The following CHRNA1 variants were observed in gnomAD, a reference collection of about 807,000 sequenced individuals.
CHRNA1 encodes the protein acetylcholine receptor subunit alpha.
Under a neutral mutation model 47.1 loss-of-function variants are expected in CHRNA1, and 35 were observed. That is an observed-to-expected ratio of 0.74 (90% confidence interval 0.57 to 0.99). The LOEUF is 0.99. CHRNA1 is among the 50% of genes least tolerant of loss of function. The pLI is 0.00. For missense variants in CHRNA1, 506 were observed against 591.1 expected, an observed-to-expected ratio of 0.86 and a Z score of 1.49; for synonymous variants, 229 against 223.6, an observed-to-expected ratio of 1.02 and a Z score of -0.22.
At chr2:174,752,233 T>G (rs1683868709) in intron 6 of CHRNA1, among the ~76,000 whole-genome samples, 2 of 151,180 alleles carry the variant, frequency 1.3e-5, no homozygotes, top group African/African-American at 2.4e-5. Flanking sequence ...AAAGTTTCAT[T>G]TGATTAGAAA....
chr2:174,757,510 G>T, intron 4 of CHRNA1, 56 bp downstream of exon 4: 1 of 1,265,196 alleles, frequency 7.9e-7, no homozygotes, highest in Non-Finnish European at 1.2e-6. Context: ...TTCTATTAGG[G>T]CACTTTATTC....
intron 1 of CHRNA1, among the ~76,000 whole-genome samples, chr2:174,761,540 C>T (rs1684100615): frequency 6.6e-6 from 1 of 152,130 alleles, no homozygotes; most frequent in African/African-American, 2.4e-5. Flanking sequence ...GTCTCAAACT[C>T]CTGAGCTCAA....
intron 5 of CHRNA1, 79 bp downstream of exon 5, chr2:174,754,140 A>G (rs1291760990): frequency 1.5e-6 from 2 of 1,326,098 alleles, no homozygotes; most frequent in African/African-American, 2.9e-5. Context: ...CTGAGAGCCT[A>G]TGATTGTCCA....
At position 174,754,287 on chromosome 2, in the gene CHRNA1, C is replaced by G. The variant is rs1683925004; in HGVS notation, c.472G>C (p.Asp158His). The change falls in exon 5 of 9, where the codon GAT becomes CAT. Residue 158 changes from aspartate (D) to histidine (H), a missense_variant. Transcript: ENST00000348749. ...AGCTTCATGCTGCAGTTCTGTTCAT[C>G]AAAGGGAAAGTGGGTGACGATGATC... The part of the protein sequence containing the change: ...CEIIVTHFPF[D>H]EQNCSMKLGT... The G allele has an allele frequency of 1.9e-6, 3 of 1,614,176 alleles. No individual in the cohort carries two copies. The highest frequency in any genetic ancestry group is 2.5e-6 in the Non-Finnish European group (3 of 1,180,040).
At position 174,748,629 on chromosome 2, in the gene CHRNA1, C is replaced by T; in HGVS notation, c.1193G>A (p.Gly398Asp). The change falls in exon 8 of 9, where the codon GGC becomes GAC. Residue 398 changes from glycine (G) to aspartate (D), a missense_variant. Coordinates refer to ENST00000348749, the MANE Select transcript of CHRNA1 (RefSeq NM_000079.4). ...KHPEVKSAIE[G>D]IKYIAETMKS... is the part of the protein sequence containing the mutation. ...CATGGTCTCTGCGATGTACTTGATG[C>T]CCTCGATGGCACTTTTCACCTCGGG... The T allele has an allele frequency of 1.2e-6, 2 of 1,614,082 alleles. No homozygotes were observed. The highest frequency in any genetic ancestry group is 1.7e-6 in the Non-Finnish European group (2 of 1,179,972).
intron 7 of CHRNA1, among the ~76,000 whole-genome samples, chr2:174,749,163 T>C (rs1263752810): frequency 1.3e-5 from 2 of 152,162 alleles, no homozygotes; most frequent in African/African-American, 4.8e-5. Flanking sequence ...GTCACCAGGA[T>C]CAAATGGTTA....
chr2:174,748,468 G>T (rs1683778965), intron 8 of CHRNA1, 112 bp downstream of exon 8: 1 of 1,461,640 alleles, frequency 6.8e-7, no homozygotes. Flanking sequence ...TTCATCTTAG[G>T]TCAGTAGCTG....
At position 174,748,832 on chromosome 2, in the gene CHRNA1, A is replaced by C; in HGVS notation, c.1003-13T>G. The stretch of plus-strand genomic sequence containing the variant: ...TGTCGATAAAAACCTAACATAAAAA[A>C]GAAATCCATGCATGAGAATTATTGT... On this transcript the variant is annotated splice_polypyrimidine_tract_variant and intron_variant, in intron 7 of 8. Transcript: ENST00000348749. 1 of 1,613,610 alleles carries C rather than the reference A, an allele frequency of 6.2e-7. No homozygotes were observed.
intron 6 of CHRNA1, among the ~76,000 whole-genome samples, chr2:174,750,404 G>C (rs975356912): frequency 1.3e-5 from 2 of 152,164 alleles, no homozygotes; most frequent in African/African-American, 4.8e-5. Flanking sequence ...TTAGGACACA[G>C]ATGCATAGAC....
At chr2:174,751,781 C>T (rs183294262) in intron 6 of CHRNA1, among the ~76,000 whole-genome samples, 3 of 151,520 alleles carry the variant, frequency 2.0e-5, no homozygotes, top group African/African-American at 4.8e-5. Flanking sequence ...AGGGTTCAAG[C>T]GATTCTCCTG....
chr2:174,759,080 G>A (rs1430171599), intron 3 of CHRNA1, among the ~76,000 whole-genome samples: 1 of 152,018 alleles, frequency 6.6e-6, no homozygotes, highest in African/African-American at 2.4e-5. Flanking sequence ...AGAGCTATGA[G>A]ATGATAAATT....
intron 7 of CHRNA1, 81 bp from the exon 8 acceptor site, chr2:174,748,900 G>A: frequency 3.8e-6 from 6 of 1,570,008 alleles, no homozygotes; most frequent in Non-Finnish European, 5.2e-6. Context: ...TTATCAATGT[G>A]ATTTGGGGTA....
In CHRNA1 at chr2:174,753,442, C is replaced by A. The variant is rs762985657; in HGVS notation, c.778+61G>T. The A allele has an allele frequency of 9.4e-6, 14 of 1,490,412 alleles. No homozygotes were observed. The Admixed American group carries it at 1.2e-4, about 12-fold the overall frequency. 92.3% of individuals were successfully genotyped at this position (1,490,412 alleles called of 1,614,324 possible). On this transcript the variant is annotated intron_variant, in intron 6 of 8. Transcript: ENST00000348749. Reference sequence around the variant, plus strand: ...TAGCACATGATTATTTCTGGCTTCCCCAAAATAGCAGCACGAGACCCATCA... The same window carrying A: ...TAGCACATGATTATTTCTGGCTTCCACAAAATAGCAGCACGAGACCCATCA...
chr2:174,749,803 GTTCC>G, intron 7 of CHRNA1, 139 bp downstream of exon 7: 1 of 726,762 alleles, frequency 1.4e-6, no homozygotes, highest in Non-Finnish European at 2.4e-6. Flanking sequence ...GCCAAAGAAA[GTTCC>G]TTCCAAAAAT....
intron 8 of CHRNA1, 50 bp downstream of exon 8, chr2:174,748,530 C>T: frequency 6.3e-7 from 1 of 1,599,894 alleles, no homozygotes; most frequent in Non-Finnish European, 8.5e-7. Flanking sequence ...TGTGCTCATA[C>T]ATTTGACCAT....
At chr2:174,760,265 T>C (rs1684077906) in intron 1 of CHRNA1, among the ~76,000 whole-genome samples, 1 of 152,176 alleles carries the variant, frequency 6.6e-6, no homozygotes, top group Non-Finnish European at 1.5e-5. Flanking sequence ...CAGCATTATT[T>C]ACCATAGCCA....
Position 174,748,012 on chromosome 2 carries a change from G to C in CHRNA1, c.*112C>G. Reference sequence around the variant, plus strand: ...AATCTTATCATCAATAATAAGTATGGAATATAACACGTTTGATAAGTGCGA... The same window carrying C: ...AATCTTATCATCAATAATAAGTATGCAATATAACACGTTTGATAAGTGCGA... On this transcript the variant is annotated 3_prime_UTR_variant, in exon 9 of 9. Transcript: ENST00000348749. The C allele has an allele frequency of 7.6e-7, 1 of 1,324,230 alleles. No individual in the cohort carries two copies. Among genetic ancestry groups the C allele is most frequent in the Admixed American group, 1.8e-5 (1 of 54,558 alleles). 82.0% of individuals were successfully genotyped at this position (1,324,230 alleles called of 1,614,324 possible).
rs1684005835 is a variant in CHRNA1, at chr2:174,757,577, A to G, written c.333T>C (p.Val111=). 6.2e-7 allele frequency: 1 copy of G among 1,613,712 alleles called. No individual in the cohort carries two copies. The highest frequency in any genetic ancestry group is 8.5e-7 in the Non-Finnish European group (1 of 1,179,734). The change falls in exon 4 of 9, where the codon GTT becomes GTC. Residue 111 remains valine, a synonymous_variant. Transcript: ENST00000348749. ...PSEKIWRPDL[V]LYNNADGDFA... The stretch of plus-strand genomic sequence containing the variant: ...TGCAGTTTGCTCACTTGTTATAGAG[A>G]ACAAGGTCTGGGCGCCAGATCTTTT...
At chr2:174,759,963 A>G (rs901534164) in intron 1 of CHRNA1, among the ~76,000 whole-genome samples, 1 of 143,612 alleles carries the variant, frequency 7.0e-6, no homozygotes, top group African/African-American at 2.8e-5. Flanking sequence ...CACACACGAA[A>G]AAAAAGCCCA....
Sources: gnomAD v4.1 joint callset for allele counts (sites outside exome capture counted in the v4.1 genomes callset) on GRCh38, gnomAD v4.1.1 for gene constraint, MANE v1.5 for transcripts, NCBI Gene and HGNC (gene_info 2026-07-23, HGNC 2026-07-21) for gene names.